Variants in CHRNA7 observed in about 807,000 individuals in gnomAD.
The protein encoded by CHRNA7 is neuronal acetylcholine receptor subunit alpha-7.
A neutral mutation model predicts 48.0 loss-of-function variants in CHRNA7; 17 were observed. The observed-to-expected ratio is 0.35, with a 90% CI of 0.24 to 0.53. The LOEUF is 0.53. CHRNA7 is among the 20% of genes least tolerant of loss of function. CHRNA7 has a pLI of 0.92. For missense variants in CHRNA7, 155 were observed against 577.7 expected (o/e 0.27, Z 7.50); for synonymous variants, 75 against 242.3 (o/e 0.31, Z 6.41).
intron 2 of CHRNA7, among the ~76,000 whole-genome samples, chr15:32,040,810 G>A (rs992263440): frequency 9.2e-5 from 14 of 151,498 alleles, no homozygotes; most frequent in South Asian, 6.3e-4. Context: ...AACCTGTATC[G>A]TTTCCCTTTT....
At chr15:32,062,203 C>T (rs149739639) in intron 2 of CHRNA7, among the ~76,000 whole-genome samples, 2 of 152,320 alleles carry the variant, frequency 1.3e-5, no homozygotes, top group African/African-American at 4.8e-5. Context: ...CCTCACAATA[C>T]TGAAGGTGAG....
rs939197526 is a variant in CHRNA7, at chr15:32,149,778, A to G, written c.351-4129A>G. 6.6e-6 allele frequency among the ~76,000 whole-genome samples: 1 copy of G among 152,104 alleles called. No individual in the cohort carries two copies. The highest frequency in any genetic ancestry group is 1.5e-5 in the Non-Finnish European group (1 of 68,014). On this transcript the variant is annotated intron_variant, in intron 4 of 9. Transcript: ENST00000306901. This position sits in a 1 kb window ranked among gnomAD's most constrained non-coding sequence, Gnocchi z 4.6. ...CAGGTAAGCTGTTGCTAATAGCAAC[A>G]GTTTTTTTATCTTGTTTTTACCTGT... is the stretch of plus-strand genomic sequence containing the variant.
chr15:32,080,008 C>A (rs917272309), intron 2 of CHRNA7, among the ~76,000 whole-genome samples: 1 of 152,110 alleles, frequency 6.6e-6, no homozygotes, highest in Admixed American at 6.6e-5. Context: ...ACATCTAAAA[C>A]CATCTGATCT....
intron 2 of CHRNA7, among the ~76,000 whole-genome samples, chr15:32,045,154 T>C (rs564479263): frequency 8.5e-5 from 13 of 152,062 alleles, no homozygotes; most frequent in African/African-American, 3.1e-4. Flanking sequence ...TTAATAAGAC[T>C]TTTTTTTATA....
intron 2 of CHRNA7, among the ~76,000 whole-genome samples, chr15:32,095,626 G>A (rs1023303792): frequency 1.3e-5 from 2 of 152,054 alleles, no homozygotes; most frequent in Non-Finnish European, 2.9e-5. Context: ...TGGTCCCTAT[G>A]TCCTGTAGCC....
chr15:32,111,767 G>A, intron 3 of CHRNA7, 23 bp from the exon 4 acceptor site: 4 of 1,422,040 alleles, frequency 2.8e-6, no homozygotes, highest in Non-Finnish European at 3.0e-6. Context: ...GTGAAGTGCT[G>A]CTAATGTCAT....
chr15:32,039,047 C>G (rs1468539311), intron 2 of CHRNA7, among the ~76,000 whole-genome samples: 1 of 152,108 alleles, frequency 6.6e-6, no homozygotes, highest in Non-Finnish European at 1.5e-5. Context: ...AATTTGTGAG[C>G]ATAGAATTGT....
intron 4 of CHRNA7, among the ~76,000 whole-genome samples, chr15:32,129,359 T>G (rs1034879350): frequency 6.6e-6 from 1 of 151,930 alleles, no homozygotes; most frequent in Non-Finnish European, 1.5e-5. Flanking sequence ...TTTGTTAAAA[T>G]TCCCCAGCGA....
chr15:32,144,114 G>A (rs912718570), intron 4 of CHRNA7, among the ~76,000 whole-genome samples: 1 of 152,152 alleles, frequency 6.6e-6, no homozygotes, highest in Non-Finnish European at 1.5e-5. Flanking sequence ...GGCAGGCCTG[G>A]TGGTGACAAA....
At chr15:32,038,976 C>G (rs939079619) in intron 2 of CHRNA7, among the ~76,000 whole-genome samples, 1 of 151,994 alleles carries the variant, frequency 6.6e-6, no homozygotes, top group Non-Finnish European at 1.5e-5. Flanking sequence ...TTTATTTCTT[C>G]TTGTTTGAGT....
At chr15:32,136,005 T>G (rs1420461831) in intron 4 of CHRNA7, among the ~76,000 whole-genome samples, 1 of 152,104 alleles carries the variant, frequency 6.6e-6, no homozygotes, top group Non-Finnish European at 1.5e-5. Flanking sequence ...ATGGGCAAAA[T>G]CAAGACATTC....
intron 2 of CHRNA7, among the ~76,000 whole-genome samples, chr15:32,045,868 A>T (rs1406283153): frequency 7.8e-6 from 1 of 128,106 alleles, no homozygotes; most frequent in Non-Finnish European, 1.6e-5. Context: ...CCTTCCTGTG[A>T]CCATGTGTTC....
At chr15:32,088,883 G>A (rs2050340450) in intron 2 of CHRNA7, among the ~76,000 whole-genome samples, 1 of 151,914 alleles carries the variant, frequency 6.6e-6, no homozygotes, top group African/African-American at 2.4e-5. Flanking sequence ...TTTCATTCTT[G>A]TAACAGTATC....
chr15:32,050,989 C>G, intron 2 of CHRNA7, among the ~76,000 whole-genome samples: 1 of 152,148 alleles, frequency 6.6e-6, no homozygotes, highest in Non-Finnish European at 1.5e-5. Context: ...ATGCTGCTGT[C>G]TGATCGTTCC....
At position 32,111,915 on chromosome 15, in the gene CHRNA7, A is replaced by G; in HGVS notation, c.350+16A>G. 5 of 1,438,010 alleles carry G rather than the reference A, an allele frequency of 3.5e-6. No homozygotes were observed. Among genetic ancestry groups the G allele is most frequent in the African/African-American group, 1.4e-5 (1 of 71,496 alleles). The allele number at this position is 1,438,010 out of a possible 1,614,324, so 89.1% of individuals were successfully genotyped here. A position where few individuals can be genotyped will look rare whatever the true frequency, so the allele number is the denominator to read the frequency against. On this transcript the variant is annotated intron_variant, in intron 4 of 9. Transcript: ENST00000306901. ...TCTATAACAGGTAAGCATATTGAAC[A>G]AAGGAAAAAAATGATTTTATGCTTG... is the stretch of plus-strand genomic sequence containing the variant.
intron 2 of CHRNA7, among the ~76,000 whole-genome samples, chr15:32,092,828 A>G (rs2050404423): frequency 6.6e-6 from 1 of 152,216 alleles, no homozygotes; most frequent in Non-Finnish European, 1.5e-5. Flanking sequence ...CACCGGTTCC[A>G]TACCAAGGGC....
At chr15:32,096,624 T>C (rs904950) in intron 2 of CHRNA7, among the ~76,000 whole-genome samples, 147,149 of 149,274 alleles carry the variant, frequency 0.99, 72,541 homozygotes, top group Middle Eastern at 1. Flanking sequence ...TTTTTTTTTT[T>C]CTCAGCATCT....
intron 2 of CHRNA7, among the ~76,000 whole-genome samples, chr15:32,034,767 A>G (rs567987217): frequency 6.6e-6 from 1 of 152,246 alleles, no homozygotes; most frequent in Non-Finnish European, 1.5e-5. Flanking sequence ...TTTTAGAGGT[A>G]CAACATGAGT....
chr15:32,152,501 G>A (rs2051652027), intron 4 of CHRNA7, among the ~76,000 whole-genome samples: 1 of 152,206 alleles, frequency 6.6e-6, no homozygotes, highest in Non-Finnish European at 1.5e-5. Flanking sequence ...GGCCACGCGG[G>A]AGGCCGAGAG....
Sources: allele counts gnomAD v4.1 joint callset (sites outside exome capture counted in the v4.1 genomes callset), GRCh38; gene constraint gnomAD v4.1.1; non-coding constraint Gnocchi (gnomAD v3.1); transcripts MANE v1.5; gene names NCBI Gene and HGNC (gene_info 2026-07-23, HGNC 2026-07-21).